The following CLEC12B variants were observed in gnomAD, a reference collection of about 807,000 sequenced individuals.
The protein encoded by CLEC12B is C-type lectin domain family 12 member B, also known as macrophage antigen h.
Under a neutral mutation model 36.1 loss-of-function variants are expected in CLEC12B, and 25 were observed. That is an observed-to-expected ratio of 0.69 (90% CI 0.50 to 0.97). The LOEUF (loss-of-function observed/expected upper bound fraction) is 0.97, where lower values mean the gene tolerates loss of function less well. Among genes scored for constraint, CLEC12B ranks in the 50% least tolerant of loss-of-function variants. The probability of loss-of-function intolerance (pLI) is 0.00; values close to 1 mark genes in which losing one functional copy is unlikely to be tolerated. For missense variants in CLEC12B, 325 were observed against 318.4 expected, an observed-to-expected ratio of 1.02 and a Z score of -0.16; for synonymous variants, 110 against 108.5, an observed-to-expected ratio of 1.01 and a Z score of -0.09.
upstream of CLEC12B, among the ~76,000 whole-genome samples, chr12:10,006,312 C>T (rs934562984): frequency 1.3e-5 from 2 of 152,114 alleles, no homozygotes; most frequent in African/African-American, 4.8e-5. Flanking sequence ...ATACGTGGTC[C>T]TGTAGATCAA....
chr12:10,015,224 A>G (rs749393473), intron 3 of CLEC12B, 28 bp from the exon 4 acceptor site: 3 of 1,589,608 alleles, frequency 1.9e-6, no homozygotes, highest in Non-Finnish European at 2.6e-6. Flanking sequence ...TCTTCAGTTT[A>G]TATTATTGGG....
intron 1 of CLEC12B, 115 bp from the exon 2 acceptor site, chr12:10,012,670 A>C: frequency 2.8e-6 from 2 of 716,394 alleles, no homozygotes; most frequent in Non-Finnish European, 4.7e-6. Context: ...GCATTAAAGA[A>C]GCAAGAAAGA....
intron 2 of CLEC12B, 163 bp downstream of exon 2, chr12:10,013,046 C>A: frequency 1.6e-6 from 1 of 635,888 alleles, no homozygotes. Context: ...AAAAAACCGG[C>A]AAAAGACATT....
rs755601417 is a variant in CLEC12B, at chr12:10,014,513, T to C, written c.191-10T>C. The C allele has an allele frequency of 1.9e-6, 3 of 1,591,306 alleles. No individual in the cohort carries two copies. Among genetic ancestry groups the C allele is most frequent in the African/African-American group, 2.7e-5 (2 of 74,576 alleles). On this transcript the variant is annotated splice_polypyrimidine_tract_variant and intron_variant, in intron 2 of 5. Coordinates refer to ENST00000338896, the MANE Select transcript of CLEC12B (RefSeq NM_001129998.3). ...GAATATATGAACTTGTCTCCTGTCATGTCTTGGAGTTTTGCAGATATCTAA... is the reference window on the plus strand; with the variant it reads ...GAATATATGAACTTGTCTCCTGTCACGTCTTGGAGTTTTGCAGATATCTAA...
upstream of CLEC12B, among the ~76,000 whole-genome samples, chr12:10,007,556 G>A (rs1056597030): frequency 1.3e-5 from 2 of 152,102 alleles, no homozygotes; most frequent in African/African-American, 4.8e-5. Flanking sequence ...GGAAAAGCCA[G>A]GTTATCCGTT....
rs976214601 is a variant in CLEC12B, at chr12:10,015,375, C to A, written c.533C>A (p.Thr178Asn). The A allele has an allele frequency of 6.2e-7, 1 of 1,613,140 alleles. No individual in the cohort carries two copies. Among genetic ancestry groups the A allele is most frequent in the African/African-American group, 1.3e-5 (1 of 74,976 alleles). Reference protein sequence around the residue: ...SRKDCIDKNSTLVKIDSLEEK... With the variant: ...SRKDCIDKNSNLVKIDSLEEK... ...AAGGACTGCATAGACAAGAACTCCA[C>A]CCTAGTGAAGATAGACAGTTTGGAA... Residue 178 changes from threonine (T) to asparagine (N), a missense_variant, in exon 4 of 6, where the codon ACC becomes AAC. Thr to Asn is a moderately conservative substitution (Grantham distance 65). Coordinates refer to ENST00000338896, the MANE Select transcript of CLEC12B (RefSeq NM_001129998.3).
chr12:10,010,501 G>C (rs1865299839), upstream of CLEC12B: 1 of 289,456 alleles, frequency 3.5e-6, no homozygotes, highest in Admixed American at 5.0e-5. Context: ...TGCACAGCAA[G>C]AAACAGTTCT....
chr12:10,008,095 T>C (rs1865252068), upstream of CLEC12B, among the ~76,000 whole-genome samples: 1 of 152,222 alleles, frequency 6.6e-6, no homozygotes, highest in African/African-American at 2.4e-5. Context: ...TTGTCTGCAC[T>C]CTAGTGCAGT....
chr12:10,018,221 G>A, intron 5 of CLEC12B, 110 bp from the exon 6 acceptor site: 1 of 729,628 alleles, frequency 1.4e-6, no homozygotes, highest in African/African-American at 1.9e-5. Context: ...GGAGGCAGAA[G>A]TCTCTCCATA....
At chr12:10,015,874 G>A (rs1395612579) in intron 5 of CLEC12B, 147 bp downstream of exon 5, 3 of 1,459,140 alleles carry the variant, frequency 2.1e-6, no homozygotes, top group African/African-American at 2.9e-5. Flanking sequence ...ATTGAAAGGA[G>A]GTATAGTTCA....
chr12:10,010,787 C>T lies in CLEC12B; in HGVS notation c.28C>T (p.Leu10Phe). 1 of 1,609,828 alleles carries T rather than the reference C, an allele frequency of 6.2e-7. No homozygotes were observed. Among genetic ancestry groups the T allele is most frequent in the Non-Finnish European group, 8.5e-7 (1 of 1,176,406 alleles). Residue 10 changes from leucine (L) to phenylalanine (F), a missense_variant, in exon 1 of 6, where the codon CTC becomes TTC. Physicochemically the swap from Leu to Phe is conservative, Grantham distance 22. Coordinates refer to ENST00000338896, the MANE Select transcript of CLEC12B (RefSeq NM_001129998.3). ...GTCTGAAGAAGTGACCTACGCGACA[C>T]TCACATTTCAGGATTCTGCTGGAGC... MSEEVTYATLTFQDSAGARN... is the reference protein window; with the variant it reads MSEEVTYATFTFQDSAGARN...
chr12:10,007,226 G>A (rs548424040), upstream of CLEC12B, among the ~76,000 whole-genome samples: 136 of 152,092 alleles, frequency 8.9e-4, no homozygotes, highest in African/African-American at 3.2e-3. Flanking sequence ...GTGAACAAAA[G>A]ATGGCTTCTG....
chr12:10,015,546 CT>C (rs1353845091), intron 4 of CLEC12B, 65 bp from the exon 5 acceptor site: 1 of 1,597,768 alleles, frequency 6.3e-7, no homozygotes, highest in Non-Finnish European at 8.5e-7. Flanking sequence ...ATGTCCTCAT[CT>C]ATCTTAACTC....
Position 10,014,628 on chromosome 12 carries a change from C to G in CLEC12B, c.296C>G (p.Ser99Cys), listed in dbSNP as rs374602315. 1.2e-6 allele frequency: 2 copies of G among 1,613,534 alleles called. No homozygotes were observed. Among genetic ancestry groups the G allele is most frequent in the African/African-American group, 2.7e-5 (2 of 74,886 alleles). ...QDNLSQQLGN[S>C]NNLSMEEEFL... ...AACTTATCCCAGCAACTGGGCAACTCCAACAACTTGTCCATGGAGGAGGAA... is the reference window on the plus strand; with the variant it reads ...AACTTATCCCAGCAACTGGGCAACTGCAACAACTTGTCCATGGAGGAGGAA... Residue 99 changes from serine to cysteine, a missense_variant, in exon 3 of 6, where the codon TCC (serine) becomes TGC (cysteine). Physicochemically the swap from Ser to Cys is moderately radical, Grantham distance 112. Transcript: ENST00000338896.
At chr12:10,015,096 C>T (rs1865446744) in intron 3 of CLEC12B, 156 bp from the exon 4 acceptor site, 1 of 671,364 alleles carries the variant, frequency 1.5e-6, no homozygotes, top group Non-Finnish European at 2.5e-6. Context: ...AACCCATAAC[C>T]AGGGGTCACT....
rs759310555 is a variant in CLEC12B at position 10,010,769 on chromosome 12, G to C, written c.10G>C (p.Glu4Gln). ...AGCGTTTTCTTCTACAATGTCTGAA[G>C]AAGTGACCTACGCGACACTCACATT... MSE[E>Q]VTYATLTFQD... Residue 4 changes from glutamate (E) to glutamine (Q), a missense_variant, in exon 1 of 6, where the codon GAA (glutamate) becomes CAA (glutamine). By Grantham distance (29) the Glu-to-Gln change is conservative (BLOSUM62 2). Coordinates refer to ENST00000338896, the MANE Select transcript of CLEC12B (RefSeq NM_001129998.3). 4.4e-6 allele frequency: 7 copies of C among 1,594,528 alleles called. No individual in the cohort carries two copies. In the South Asian group the frequency reaches 7.7e-5, roughly 18 times the overall value.
At chr12:10,016,595 A>G (rs1484537998) in intron 5 of CLEC12B, 1 of 263,190 alleles carries the variant, frequency 3.8e-6, no homozygotes, top group African/African-American at 2.3e-5. Context: ...TTTTTCTATT[A>G]GATAAAATTT....
intron 5 of CLEC12B, chr12:10,016,473 T>A (rs1865489598): frequency 5.4e-6 from 1 of 185,022 alleles, no homozygotes; most frequent in African/African-American, 2.4e-5. Flanking sequence ...AAGGGGATAT[T>A]AGGTTTGCTA....
Position 10,015,330 on chromosome 12 carries a change from A to C in CLEC12B, c.488A>C (p.Lys163Thr). 6.2e-7 allele frequency: 1 copy of C among 1,613,538 alleles called. No individual in the cohort carries two copies. The highest frequency in any genetic ancestry group is 1.3e-5 in the African/African-American group (1 of 75,030). ...SCYYFTTNEE[K>T]TWANSRKDCI... ...TACTATTTTACAACAAATGAGGAGA[A>C]AACCTGGGCTAACAGTAGAAAGGAC... Residue 163 changes from lysine (K) to threonine (T), a missense_variant, in exon 4 of 6, where the codon AAA (lysine) becomes ACA (threonine). Lys to Thr is a moderately conservative substitution (Grantham distance 78). Coordinates refer to ENST00000338896, the MANE Select transcript of CLEC12B (RefSeq NM_001129998.3).
Sources: allele counts gnomAD v4.1 joint callset (sites outside exome capture counted in the v4.1 genomes callset), GRCh38; gene constraint gnomAD v4.1.1; transcripts MANE v1.5; gene names NCBI Gene and HGNC (gene_info 2026-07-23, HGNC 2026-07-21).